Variants in FBXL7 observed in about 807,000 individuals in gnomAD.
The protein encoded by FBXL7 is F-box and leucine rich repeat protein 7, also known as F-box/LRR-repeat protein 7.
FBXL7 carries 12 observed loss-of-function variants against 38.3 expected under a neutral mutation model. The observed-to-expected ratio is 0.31, with a 90% CI of 0.20 to 0.51. The LOEUF is 0.51. Among genes scored for constraint, FBXL7 ranks in the 20% least tolerant of loss-of-function variants. The pLI is 0.98. For synonymous variants in FBXL7, 297 were observed against 300.9 expected (o/e 0.99, Z 0.13); for missense variants, 567 against 676.4 (o/e 0.84, Z 1.79).
chr5:15,808,529 A>G (rs890003962), intron 2 of FBXL7, among the ~76,000 whole-genome samples: 1 of 152,164 alleles, frequency 6.6e-6, no homozygotes, highest in Non-Finnish European at 1.5e-5. Flanking sequence ...GTATCCTGAT[A>G]ACAAGTTTTT....
chr5:15,519,575 G>A (rs1737042898), intron 1 of FBXL7, among the ~76,000 whole-genome samples: 2 of 152,152 alleles, frequency 1.3e-5, no homozygotes, highest in African/African-American at 4.8e-5. Context: ...TCCTCCTTTG[G>A]AGAATCCCTT....
At chr5:15,852,481 G>A (rs1379214186) in intron 2 of FBXL7, among the ~76,000 whole-genome samples, 1 of 152,124 alleles carries the variant, frequency 6.6e-6, no homozygotes, top group Non-Finnish European at 1.5e-5. Flanking sequence ...GATAAGGTTT[G>A]GAAAATAGCA....
intron 1 of FBXL7, among the ~76,000 whole-genome samples, chr5:15,565,641 A>C (rs1330095807): frequency 6.6e-6 from 1 of 152,014 alleles, no homozygotes; most frequent in Non-Finnish European, 1.5e-5. Context: ...GCTAAGTCCC[A>C]ATATCTACAG....
intron 2 of FBXL7, among the ~76,000 whole-genome samples, chr5:15,922,836 C>T (rs1381006958): frequency 6.6e-6 from 1 of 152,064 alleles, no homozygotes; most frequent in Non-Finnish European, 1.5e-5. Context: ...ACAATAATAT[C>T]CCCTTAGTGT....
At chr5:15,619,189 A>G (rs1740546559) in intron 2 of FBXL7, among the ~76,000 whole-genome samples, 1 of 152,124 alleles carries the variant, frequency 6.6e-6, no homozygotes, top group African/African-American at 2.4e-5. Flanking sequence ...CCCCGGTGGC[A>G]TGGAACCGGA....
intron 2 of FBXL7, among the ~76,000 whole-genome samples, chr5:15,792,248 C>T (rs1312559613): frequency 2.6e-5 from 4 of 152,124 alleles, no homozygotes; most frequent in Non-Finnish European, 5.9e-5. Flanking sequence ...GGAGTATCTT[C>T]CCAGGGGTTT....
At chr5:15,832,557 C>T (rs544997549) in intron 2 of FBXL7, among the ~76,000 whole-genome samples, 1 of 152,274 alleles carries the variant, frequency 6.6e-6, no homozygotes, top group South Asian at 2.1e-4. Context: ...AGTTAACCAT[C>T]TCGAAAACAG....
At chr5:15,898,763 A>G (rs1741164380) in intron 2 of FBXL7, among the ~76,000 whole-genome samples, 1 of 152,204 alleles carries the variant, frequency 6.6e-6, no homozygotes, top group South Asian at 2.1e-4. Flanking sequence ...GGCAGCTCAG[A>G]GCTGTGTTAT....
chr5:15,513,070 G>A (rs1736844639), intron 1 of FBXL7, among the ~76,000 whole-genome samples: 2 of 152,124 alleles, frequency 1.3e-5, no homozygotes, highest in African/African-American at 2.4e-5. Flanking sequence ...TGTATCTGGT[G>A]TGATTGGAAT....
At position 15,818,538 on chromosome 5, in the gene FBXL7, TAATC is replaced by T. The variant is rs548525389; in HGVS notation, c.128-109349_128-109346del. On this transcript the variant is annotated intron_variant, in intron 2 of 3. Coordinates refer to ENST00000504595, the MANE Select transcript of FBXL7 (RefSeq NM_012304.5). The stretch of plus-strand genomic sequence containing the variant: ...AAAGTTTTAAGTGATATAGAAAAAA[TAATC>T]AAGTAAGTATTTTAAAATATGTTTC... 1.8e-4 allele frequency among the ~76,000 whole-genome samples: 27 copies of T among 152,210 alleles called. 1 individual carries two copies. The highest frequency in any genetic ancestry group is 1.3e-3 in the Admixed American group (20 of 15,274).
chr5:15,795,773 G>GGAAATA (rs1363510327), intron 2 of FBXL7, among the ~76,000 whole-genome samples: 2 of 152,084 alleles, frequency 1.3e-5, no homozygotes, highest in Non-Finnish European at 2.9e-5. Flanking sequence ...CAATTTGGAA[G>GGAAATA]GAAATAAGCA....
At chr5:15,883,545 T>G (rs1441049885) in intron 2 of FBXL7, among the ~76,000 whole-genome samples, 1 of 152,228 alleles carries the variant, frequency 6.6e-6, no homozygotes, top group Non-Finnish European at 1.5e-5. Context: ...ACGAATTCAC[T>G]TACCATTCTT....
At chr5:15,832,868 C>T (rs951462200) in intron 2 of FBXL7, among the ~76,000 whole-genome samples, 8 of 151,996 alleles carry the variant, frequency 5.3e-5, no homozygotes, top group African/African-American at 1.9e-4. Flanking sequence ...AATTGTAGCT[C>T]CTACAATTCC....
chr5:15,555,213 G>C (rs555616809), intron 1 of FBXL7, among the ~76,000 whole-genome samples: 83 of 152,216 alleles, frequency 5.5e-4, no homozygotes, highest in Admixed American at 2.0e-3. Flanking sequence ...CAGACAGACA[G>C]ACACACACAC....
At chr5:15,571,636 G>A (rs1738785484) in intron 1 of FBXL7, among the ~76,000 whole-genome samples, 1 of 152,134 alleles carries the variant, frequency 6.6e-6, no homozygotes, top group South Asian at 2.1e-4. Context: ...GCCTGGCATT[G>A]TTAAGCAGAT....
intron 2 of FBXL7, among the ~76,000 whole-genome samples, chr5:15,668,971 C>A (rs1742372769): frequency 1.3e-5 from 2 of 152,114 alleles, no homozygotes; most frequent in Non-Finnish European, 2.9e-5. Flanking sequence ...TGAGATAATA[C>A]ATATACAATG....
chr5:15,718,275 G>A (rs997163790), intron 2 of FBXL7, among the ~76,000 whole-genome samples: 2 of 152,010 alleles, frequency 1.3e-5, no homozygotes, highest in Non-Finnish European at 2.9e-5. Flanking sequence ...CGCTTTTTTT[G>A]TAGGTTTGAC....
At chr5:15,812,477 C>T (rs1309200221) in intron 2 of FBXL7, among the ~76,000 whole-genome samples, 1 of 152,006 alleles carries the variant, frequency 6.6e-6, no homozygotes, top group East Asian at 1.9e-4. Context: ...GCGCATTCTG[C>T]ACATGTATCC....
rs1579565455 is a variant in FBXL7 at position 15,882,916 on chromosome 5, G to A, written c.128-44974G>A. On this transcript the variant is annotated intron_variant, in intron 2 of 3. Coordinates refer to ENST00000504595, the MANE Select transcript of FBXL7 (RefSeq NM_012304.5). ...AATAATATAAGAGTATTTTTTCATT[G>A]CAGGGATTATAAATTAAATGTATTT... 2.0e-5 allele frequency among the ~76,000 whole-genome samples: 3 copies of A among 151,782 alleles called. No individual in the cohort carries two copies. In the East Asian group the frequency reaches 5.8e-4, roughly 29 times the overall value.
Sources: gnomAD v4.1 joint callset for allele counts (sites outside exome capture counted in the v4.1 genomes callset) on GRCh38, gnomAD v4.1.1 for gene constraint, MANE v1.5 for transcripts, NCBI Gene and HGNC (gene_info 2026-07-23, HGNC 2026-07-21) for gene names.